WWOX: variants seen among roughly 807,000 people sequenced by gnomAD.
The protein encoded by WWOX is WW domain-containing oxidoreductase.
WWOX carries 69 observed loss-of-function variants against 46.2 expected under a neutral mutation model. That is an observed-to-expected ratio of 1.49 (90% CI 1.23 to 1.82). WWOX has a LOEUF of 1.82. Among genes scored for constraint, WWOX ranks in the 40% most tolerant of loss-of-function variants. WWOX has a pLI of 0.00. For synonymous variants in WWOX, 359 were observed against 202.6 expected, an observed-to-expected ratio of 1.77 and a Z score of -6.56; for missense variants, 919 against 542.6, an observed-to-expected ratio of 1.69 and a Z score of -6.89.
chr16:78,781,887 A>G (rs1430730735), intron 8 of WWOX, among the ~76,000 whole-genome samples: 2 of 152,236 alleles, frequency 1.3e-5, no homozygotes, highest in Non-Finnish European at 2.9e-5. Flanking sequence ...TATTTGCTCC[A>G]TGCAATGTTC....
intron 2 of WWOX, among the ~76,000 whole-genome samples, chr16:78,108,980 G>A (rs2032324985): frequency 6.6e-6 from 1 of 152,114 alleles, no homozygotes; most frequent in Non-Finnish European, 1.5e-5. Context: ...AGAGTGAGAT[G>A]CTGTCTGAAA....
At chr16:78,514,984 C>T (rs567945056) in intron 8 of WWOX, among the ~76,000 whole-genome samples, 1 of 152,188 alleles carries the variant, frequency 6.6e-6, no homozygotes, top group South Asian at 2.1e-4. Flanking sequence ...CTTGGGGAGG[C>T]CGAGGCAGGT....
intron 8 of WWOX, among the ~76,000 whole-genome samples, chr16:78,955,369 C>T (rs957249209): frequency 1.3e-5 from 2 of 152,110 alleles, no homozygotes; most frequent in Non-Finnish European, 2.9e-5. Flanking sequence ...GTCAGGTGTG[C>T]CGCAGCACTC....
At chr16:78,142,929 G>A (rs1267208608) in intron 4 of WWOX, among the ~76,000 whole-genome samples, 2 of 152,078 alleles carry the variant, frequency 1.3e-5, no homozygotes, top group Non-Finnish European at 2.9e-5. Flanking sequence ...ACATTTTGTT[G>A]GACTGGAAAC....
intron 8 of WWOX, among the ~76,000 whole-genome samples, chr16:78,466,365 G>A (rs1356817077): frequency 1.3e-5 from 2 of 152,156 alleles, no homozygotes; most frequent in African/African-American, 2.4e-5. Flanking sequence ...TGGTGAAACT[G>A]TTTTGGAACT....
intron 8 of WWOX, among the ~76,000 whole-genome samples, chr16:78,577,719 T>A (rs2044923746): frequency 6.6e-6 from 1 of 152,218 alleles, no homozygotes; most frequent in Non-Finnish European, 1.5e-5. Flanking sequence ...GACAGTGTGT[T>A]GACACTCTAT....
chr16:78,840,601 A>T (rs937889064), intron 8 of WWOX, among the ~76,000 whole-genome samples: 1 of 152,062 alleles, frequency 6.6e-6, no homozygotes, highest in African/African-American at 2.4e-5. Flanking sequence ...TATCTACTCT[A>T]GTAGTTGCTC....
chr16:78,737,030 A>G (rs1411289359), intron 8 of WWOX, among the ~76,000 whole-genome samples: 1 of 152,058 alleles, frequency 6.6e-6, no homozygotes, highest in African/African-American at 2.4e-5. Context: ...CCTTGAAATA[A>G]TTACATTTAG....
chr16:78,630,515 C>G (rs565624780), intron 8 of WWOX, among the ~76,000 whole-genome samples: 3 of 152,190 alleles, frequency 2.0e-5, no homozygotes, highest in Non-Finnish European at 4.4e-5. Flanking sequence ...TAATACATTT[C>G]TCTGGTAGAC....
intron 8 of WWOX, among the ~76,000 whole-genome samples, chr16:78,672,892 C>T (rs9940252): frequency 0.062 from 9,401 of 152,226 alleles, 968 homozygotes; most frequent in African/African-American, 0.21. Flanking sequence ...TAAAGCAATA[C>T]ATCCTGATAA....
At chr16:79,170,740 G>A (rs1484119511) in intron 8 of WWOX, among the ~76,000 whole-genome samples, 1 of 150,424 alleles carries the variant, frequency 6.6e-6, no homozygotes, top group South Asian at 2.1e-4. Context: ...TTCTTTTTCT[G>A]TATGTTTCTA....
At chr16:78,944,570 A>G (rs1274434692) in intron 8 of WWOX, among the ~76,000 whole-genome samples, 1 of 152,130 alleles carries the variant, frequency 6.6e-6, no homozygotes, top group Admixed American at 6.6e-5. Context: ...GTACACATCT[A>G]TGTAAGCACT....
chr16:78,495,429 C>G (rs2084892533), intron 8 of WWOX, among the ~76,000 whole-genome samples: 1 of 151,278 alleles, frequency 6.6e-6, no homozygotes, highest in Non-Finnish European at 1.5e-5. Context: ...GCGTGAGCCA[C>G]TGCACCTGGC....
rs571872636 is a variant in WWOX at position 78,916,345 on chromosome 16, A to G, written c.1057-295263A>G. ...ATAAAACAATAATACCATGCTTTCA[A>G]GAAGCTCGTTCGACAGCTGTAAAGC... is the stretch of plus-strand genomic sequence containing the variant. On this transcript the variant is annotated intron_variant, in intron 8 of 8. Coordinates refer to ENST00000566780, the MANE Select transcript of WWOX (RefSeq NM_016373.4). Among the ~76,000 whole-genome samples, 10 of 152,326 alleles carry G rather than the reference A, an allele frequency of 6.6e-5. No homozygotes were observed. In the East Asian group the frequency reaches 7.7e-4, roughly 12 times the overall value.
chr16:78,610,255 C>T (rs1019030392), intron 8 of WWOX, among the ~76,000 whole-genome samples: 4 of 152,058 alleles, frequency 2.6e-5, no homozygotes, highest in Non-Finnish European at 4.4e-5. Context: ...ATAATTCTTC[C>T]CAGAGATATG....
At chr16:78,840,799 T>C (rs1295563171) in intron 8 of WWOX, among the ~76,000 whole-genome samples, 1 of 150,696 alleles carries the variant, frequency 6.6e-6, no homozygotes, top group Non-Finnish European at 1.5e-5. Context: ...TGTGGGCACT[T>C]AGTAGGTATA....
At chr16:78,391,899 C>T (rs2082181093) in intron 6 of WWOX, among the ~76,000 whole-genome samples, 1 of 152,030 alleles carries the variant, frequency 6.6e-6, no homozygotes, top group South Asian at 2.1e-4. Context: ...TTCTTTTGTG[C>T]CTCCTCTTTT....
At chr16:78,577,726 C>G (rs57752454) in intron 8 of WWOX, among the ~76,000 whole-genome samples, 1 of 152,184 alleles carries the variant, frequency 6.6e-6, no homozygotes, top group Non-Finnish European at 1.5e-5. Context: ...TGTTGACACT[C>G]TATTTGACCA....
chr16:78,777,325 T>A (rs1187719607), intron 8 of WWOX, among the ~76,000 whole-genome samples: 1 of 152,198 alleles, frequency 6.6e-6, no homozygotes, highest in Non-Finnish European at 1.5e-5. Flanking sequence ...CTGATGATGT[T>A]GTCCAGGACA....
Sources: gnomAD v4.1 joint callset for allele counts (sites outside exome capture counted in the v4.1 genomes callset) on GRCh38, gnomAD v4.1.1 for gene constraint, MANE v1.5 for transcripts, NCBI Gene and HGNC (gene_info 2026-07-23, HGNC 2026-07-21) for gene names.